Variants in DLC1 observed in about 807,000 individuals in gnomAD.
DLC1 encodes the protein rho GTPase-activating protein 7.
A neutral mutation model predicts 140.3 loss-of-function variants in DLC1; 54 were observed. The observed-to-expected ratio is 0.38, with a 90% CI of 0.31 to 0.48. DLC1 has a LOEUF of 0.48. Among genes scored for constraint, DLC1 ranks in the 20% least tolerant of loss-of-function variants. DLC1 has a pLI of 0.96. For missense variants in DLC1, 2,536 were observed against 1,907.0 expected (o/e 1.33, Z -6.14); for synonymous variants, 986 against 728.1 (o/e 1.35, Z -5.70).
At chr8:13,593,947 A>G (rs1805602719) in intron 1 of DLC1, among the ~76,000 whole-genome samples, 1 of 152,072 alleles carries the variant, frequency 6.6e-6, no homozygotes, top group Admixed American at 6.6e-5. Flanking sequence ...TGCTAATGCA[A>G]AGATCCTCTG....
intron 4 of DLC1, among the ~76,000 whole-genome samples, chr8:13,361,653 T>C (rs1197508392): frequency 1.3e-5 from 2 of 152,154 alleles, no homozygotes; most frequent in African/African-American, 4.8e-5. Context: ...CCCCTTTACA[T>C]ATTATTATTT....
chr8:13,092,923 C>A, intron 12 of DLC1, 98 bp from the exon 13 acceptor site: 1 of 1,327,628 alleles, frequency 7.5e-7, no homozygotes, highest in Non-Finnish European at 1.0e-6. Flanking sequence ...ATACCTCAGC[C>A]CAGTACTGAA....
At chr8:13,494,238 C>T (rs1485755934) in intron 2 of DLC1, among the ~76,000 whole-genome samples, 6 of 152,192 alleles carry the variant, frequency 3.9e-5, no homozygotes, top group Non-Finnish European at 7.3e-5. Context: ...GTGTATTCCT[C>T]AATATTTATG....
At chr8:13,161,884 T>A (rs1035631884) in intron 5 of DLC1, among the ~76,000 whole-genome samples, 4 of 152,196 alleles carry the variant, frequency 2.6e-5, no homozygotes, top group Non-Finnish European at 4.4e-5. Context: ...TTTTTAGACA[T>A]AAGGGACAAA....
At chr8:13,441,861 G>A (rs1196874011) in intron 2 of DLC1, among the ~76,000 whole-genome samples, 1 of 151,318 alleles carries the variant, frequency 6.6e-6, no homozygotes, top group Non-Finnish European at 1.5e-5. Flanking sequence ...AAAAACTAAA[G>A]TTCATATGGA....
chr8:13,400,736 T>C (rs17092786), intron 3 of DLC1, among the ~76,000 whole-genome samples: 10,847 of 152,140 alleles, frequency 0.071, 1,313 homozygotes, highest in African/African-American at 0.25. Context: ...AAATAATAGA[T>C]GAGTTGAAAA....
At chr8:13,266,880 G>A (rs1362104969) in intron 5 of DLC1, among the ~76,000 whole-genome samples, 1 of 152,182 alleles carries the variant, frequency 6.6e-6, no homozygotes, top group Non-Finnish European at 1.5e-5. Context: ...ACTAATGCCC[G>A]TGTGCTTTGG....
chr8:13,489,857 T>A (rs914332214), intron 2 of DLC1, among the ~76,000 whole-genome samples: 3 of 152,250 alleles, frequency 2.0e-5, no homozygotes, highest in African/African-American at 7.2e-5. Flanking sequence ...GATATAATAA[T>A]TCTGCACTCC....
At chr8:13,362,205 A>T (rs1835258871) in intron 4 of DLC1, among the ~76,000 whole-genome samples, 1 of 152,184 alleles carries the variant, frequency 6.6e-6, no homozygotes, top group East Asian at 1.9e-4. Flanking sequence ...TGCAGGGAAG[A>T]TGACCTCGAT....
intron 4 of DLC1, among the ~76,000 whole-genome samples, chr8:13,312,340 G>A (rs569758424): frequency 1.3e-5 from 1 of 74,448 alleles, no homozygotes; most frequent in Non-Finnish European, 2.4e-5. Context: ...CAGCCTGGGC[G>A]ACAGAGCGAG....
At chr8:13,282,653 C>T (rs996445965) in intron 5 of DLC1, among the ~76,000 whole-genome samples, 4 of 151,090 alleles carry the variant, frequency 2.6e-5, no homozygotes, top group Admixed American at 6.6e-5. Context: ...TTCTTTTATC[C>T]TTTCATTTTT....
intron 1 of DLC1, among the ~76,000 whole-genome samples, chr8:13,546,866 T>G (rs1465034796): frequency 4.6e-5 from 7 of 152,158 alleles, no homozygotes; most frequent in African/African-American, 1.7e-4. Context: ...TGCTGTATAT[T>G]GTTAAAACAA....
At chr8:13,240,190 C>A (rs747587029) in intron 5 of DLC1, among the ~76,000 whole-genome samples, 3 of 152,076 alleles carry the variant, frequency 2.0e-5, no homozygotes, top group Middle Eastern at 3.2e-3. Flanking sequence ...GTGCAGTTTA[C>A]CAGGCTGGAC....
chr8:13,275,458 C>T (rs1284428913), intron 5 of DLC1, among the ~76,000 whole-genome samples: 1 of 152,166 alleles, frequency 6.6e-6, no homozygotes, highest in East Asian at 1.9e-4. Context: ...TCCATGTAGA[C>T]GGCATAGGAA....
upstream of DLC1, chr8:13,514,921 G>C (rs1802534368): frequency 3.1e-6 from 1 of 322,218 alleles, no homozygotes; most frequent in Non-Finnish European, 5.6e-6. Context: ...CCTCTGAGGA[G>C]TGTGCATGCT....
intron 2 of DLC1, among the ~76,000 whole-genome samples, chr8:13,467,392 C>T (rs1799986302): frequency 6.6e-6 from 1 of 152,010 alleles, no homozygotes; most frequent in Non-Finnish European, 1.5e-5. Context: ...CCCCTCCCCT[C>T]TCCTTTTTCT....
intron 2 of DLC1, among the ~76,000 whole-genome samples, chr8:13,489,344 G>A (rs1479669670): frequency 8.3e-5 from 7 of 83,884 alleles, no homozygotes; most frequent in Non-Finnish European, 1.7e-4. Context: ...CCCCGCCCCC[G>A]GCCCCGAGAT....
intron 5 of DLC1, among the ~76,000 whole-genome samples, chr8:13,156,413 G>A (rs1016792397): frequency 6.6e-6 from 1 of 152,144 alleles, no homozygotes; most frequent in Non-Finnish European, 1.5e-5. Flanking sequence ...TGTACCAGAT[G>A]CTTTTTATAT....
chr8:13,586,864 G>T (rs1022572575), intron 1 of DLC1, among the ~76,000 whole-genome samples: 2 of 152,056 alleles, frequency 1.3e-5, no homozygotes, highest in Admixed American at 6.6e-5. Flanking sequence ...CTAAGGACAT[G>T]CTCTTTACCT....
Sources: gnomAD v4.1 joint callset for allele counts (sites outside exome capture counted in the v4.1 genomes callset) on GRCh38, gnomAD v4.1.1 for gene constraint, MANE v1.5 for transcripts, NCBI Gene and HGNC (gene_info 2026-07-23, HGNC 2026-07-21) for gene names.